SPATA12: variants seen among roughly 807,000 people sequenced by gnomAD.
The protein encoded by SPATA12 is spermatogenesis-associated protein 12.
For missense variants in SPATA12, 219 were observed against 226.4 expected (o/e 0.97, Z 0.21); for synonymous variants, 85 against 89.2 (o/e 0.95, Z 0.26).
chr3:57,069,727 G>A (rs1053839372), intron 1 of SPATA12, among the ~76,000 whole-genome samples: 7 of 152,108 alleles, frequency 4.6e-5, no homozygotes, highest in African/African-American at 7.2e-5. Context: ...TCATTGCAGC[G>A]TCAAACAACG....
Position 57,067,859 on chromosome 3 carries a change from G to A in SPATA12, c.-329-5507G>A, listed in dbSNP as rs552670828. ...AAAAAAATTAGCCAGGCAAAGTGGC[G>A]GGCTCCTGTGGTCCCAGCTACTCAG... On this transcript the variant is annotated intron_variant, in intron 1 of 1. Transcript: ENST00000334325. Among the ~76,000 whole-genome samples, 21 of 151,608 alleles carry A rather than the reference G, an allele frequency of 1.4e-4. No individual in the cohort carries two copies. In the South Asian group the frequency reaches 4.0e-3, roughly 29 times the overall value.
chr3:57,066,052 A>C (rs1705511272), intron 1 of SPATA12, among the ~76,000 whole-genome samples: 5 of 92,368 alleles, frequency 5.4e-5, no homozygotes, highest in Non-Finnish European at 9.0e-5. Context: ...AAAAAAAAAA[A>C]CCCTAAAATG....
chr3:57,073,556 G>T lies in SPATA12; in HGVS notation c.-139G>T. On this transcript the variant is annotated 5_prime_UTR_variant, in exon 2 of 2. Transcript: ENST00000334325. ...GTTTGAGCACCCCGGGATGATTGGT[G>T]GTGGGGTGTGGCTGAAGGTGAATTG... 1 of 1,372,830 alleles carries T rather than the reference G, an allele frequency of 7.3e-7. No homozygotes were observed. Among genetic ancestry groups the T allele is most frequent in the East Asian group, 2.5e-5 (1 of 39,842 alleles). 85.0% of individuals were successfully genotyped at this position (1,372,830 alleles called of 1,614,324 possible). A position where few individuals can be genotyped will look rare whatever the true frequency, so the allele number is the denominator to read the frequency against.
chr3:57,074,218 G>A lies in SPATA12; in HGVS notation c.524G>A (p.Arg175Lys), dbSNP rs750259957. Reference protein sequence around the residue: ...QLTFTEGCFVRSLSTVYSNTH... With the variant: ...QLTFTEGCFVKSLSTVYSNTH... ...ACATTTACTGAGGGCTGCTTTGTCA[G>A]GTCCCTCTCTACAGTATACTCCAAC... The change falls in exon 2 of 2, where the codon AGG (arginine) becomes AAG (lysine). Residue 175 changes from arginine to lysine, a missense_variant. Physicochemically the swap from Arg to Lys is conservative, Grantham distance 26. Coordinates refer to ENST00000334325, the MANE Select transcript of SPATA12 (RefSeq NM_181727.2). 6.2e-7 allele frequency: 1 copy of A among 1,613,988 alleles called. No homozygotes were observed. The highest frequency in any genetic ancestry group is 1.7e-5 in the Admixed American group (1 of 59,990).
At chr3:57,062,697 C>T (rs1689926735) in intron 1 of SPATA12, among the ~76,000 whole-genome samples, 2 of 151,958 alleles carry the variant, frequency 1.3e-5, no homozygotes, top group African/African-American at 4.8e-5. Context: ...TCTGTCTACA[C>T]ACATGCACAC....
chr3:57,068,070 G>C (rs1367416883), intron 1 of SPATA12, among the ~76,000 whole-genome samples: 1 of 152,082 alleles, frequency 6.6e-6, no homozygotes, highest in African/African-American at 2.4e-5. Context: ...TTACTCTGGA[G>C]GCCAAGGCAA....
At position 57,075,360 on chromosome 3, in the gene SPATA12, A is replaced by G. The variant is rs780915975; in HGVS notation, c.*1093A>G. The stretch of plus-strand genomic sequence containing the variant: ...CAGTTTCTTTGACTGCTGTGTGGTC[A>G]GTACCAGGGCAATGCCTCGCACAGA... On this transcript the variant is annotated 3_prime_UTR_variant, in exon 2 of 2. Coordinates refer to ENST00000334325, the MANE Select transcript of SPATA12 (RefSeq NM_181727.2). 6.0e-6 allele frequency: 1 copy of G among 167,286 alleles called. No homozygotes were observed. The allele number at this position is 167,286 out of a possible 1,614,324, so 10.4% of individuals were successfully genotyped here.
At chr3:57,065,705 C>G (rs113610073) in intron 1 of SPATA12, among the ~76,000 whole-genome samples, 1 of 152,166 alleles carries the variant, frequency 6.6e-6, no homozygotes, top group Non-Finnish European at 1.5e-5. Context: ...CAGGCAGCCC[C>G]AGATACCTAC....
intron 1 of SPATA12, among the ~76,000 whole-genome samples, chr3:57,071,840 C>T (rs1705924032): frequency 1.3e-5 from 2 of 152,052 alleles, no homozygotes. Flanking sequence ...AAATAACCCA[C>T]AGAATGGGCA....
chr3:57,063,376 G>T (rs1162596345), intron 1 of SPATA12, among the ~76,000 whole-genome samples: 2 of 152,168 alleles, frequency 1.3e-5, no homozygotes, highest in African/African-American at 4.8e-5. Context: ...CCTTCAGAAG[G>T]TTCCCTCTGA....
intron 1 of SPATA12, among the ~76,000 whole-genome samples, chr3:57,072,382 C>A (rs1705957435): frequency 6.6e-6 from 1 of 151,856 alleles, no homozygotes; most frequent in Non-Finnish European, 1.5e-5. Context: ...AGAAAACACT[C>A]TTGGACATAA....
At chr3:57,066,564 T>G (rs1043839779) in intron 1 of SPATA12, among the ~76,000 whole-genome samples, 8 of 152,140 alleles carry the variant, frequency 5.3e-5, no homozygotes, top group Non-Finnish European at 7.4e-5. Context: ...CGCCCAGGCT[T>G]TTGCCTTTTT....
In SPATA12 at chr3:57,073,752, G is replaced by A. The variant is rs779561078; in HGVS notation, c.58G>A (p.Glu20Lys). 2.5e-6 allele frequency: 4 copies of A among 1,614,210 alleles called. No homozygotes were observed. Among genetic ancestry groups the A allele is most frequent in the Admixed American group, 3.3e-5 (2 of 60,030 alleles). ...CTTAGAAAAGTCAGGAGACACCTGGGAAATGAAGGCACTAGACTCTTCCAG... is the reference window on the plus strand; with the variant it reads ...CTTAGAAAAGTCAGGAGACACCTGGAAAATGAAGGCACTAGACTCTTCCAG... ...STLEKSGDTW[E>K]MKALDSSRLV... is the part of the protein sequence containing the mutation. The change falls in exon 2 of 2, where the codon GAA becomes AAA. Residue 20 changes from glutamate (E) to lysine (K), a missense_variant. Physicochemically the swap from Glu to Lys is moderately conservative, Grantham distance 56 (BLOSUM62 1). Coordinates refer to ENST00000334325, the MANE Select transcript of SPATA12 (RefSeq NM_181727.2).
chr3:57,073,488 G>C lies in SPATA12; in HGVS notation c.-207G>C, dbSNP rs1399704634. 1 of 712,524 alleles carries C rather than the reference G, an allele frequency of 1.4e-6. No homozygotes were observed. The highest frequency in any genetic ancestry group is 3.5e-5 in the Admixed American group (1 of 28,620). The allele number at this position is 712,524 out of a possible 1,614,324, so 44.1% of individuals were successfully genotyped here. On this transcript the variant is annotated 5_prime_UTR_variant, in exon 2 of 2. Transcript: ENST00000334325. ...CAGCAGAAGCAAAGATGTGAACATG[G>C]GAAAACCTCTGCAGTATCTGGGTGA...
chr3:57,073,966 C>A lies in SPATA12; in HGVS notation c.272C>A (p.Ser91Tyr). Residue 91 changes from serine to tyrosine, a missense_variant, in exon 2 of 2, where the codon TCT becomes TAT. Transcript: ENST00000334325. ...CAGAGATATTTACAAGCAGCCATCT[C>A]TCTTGACATCGCTGTATCCCAAATA... Reference protein sequence around the residue: ...TCQRYLQAAISLDIAVSQINL... With the variant: ...TCQRYLQAAIYLDIAVSQINL... 6.2e-7 allele frequency: 1 copy of A among 1,614,240 alleles called. No individual in the cohort carries two copies. The highest frequency in any genetic ancestry group is 8.5e-7 in the Non-Finnish European group (1 of 1,180,054).
At chr3:57,072,410 A>T (rs1705958624) in intron 1 of SPATA12, among the ~76,000 whole-genome samples, 1 of 151,612 alleles carries the variant, frequency 6.6e-6, no homozygotes, top group South Asian at 2.1e-4. Flanking sequence ...GGAAAACATT[A>T]GTTGTTAGCA....
At chr3:57,062,776 A>G (rs986347376) in intron 1 of SPATA12, among the ~76,000 whole-genome samples, 18 of 152,152 alleles carry the variant, frequency 1.2e-4, no homozygotes, top group Admixed American at 1.2e-3. Flanking sequence ...GGTAAGAAAA[A>G]TATAGGCAAG....
At chr3:57,071,193 T>C (rs368225625) in intron 1 of SPATA12, among the ~76,000 whole-genome samples, 96 of 152,114 alleles carry the variant, frequency 6.3e-4, no homozygotes, top group African/African-American at 2.3e-3. Context: ...GACAAGAGTG[T>C]CAAAACAATT....
chr3:57,073,834 C>G lies in SPATA12; in HGVS notation c.140C>G (p.Pro47Arg). 6.2e-7 allele frequency: 1 copy of G among 1,614,224 alleles called. No individual in the cohort carries two copies. The highest frequency in any genetic ancestry group is 8.5e-7 in the Non-Finnish European group (1 of 1,180,044). Reference protein sequence around the residue: ...LGSSTQHPNKPHCALASCQGP... With the variant: ...LGSSTQHPNKRHCALASCQGP... ...TCATCCACCCAACATCCCAACAAAC[C>G]CCACTGTGCACTGGCATCATGCCAG... is the stretch of plus-strand genomic sequence containing the variant. The change falls in exon 2 of 2, where the codon CCC (proline) becomes CGC (arginine). Residue 47 changes from proline (P) to arginine (R), a missense_variant. Transcript: ENST00000334325.
Sources: allele counts gnomAD v4.1 joint callset (sites outside exome capture counted in the v4.1 genomes callset), GRCh38; gene constraint gnomAD v4.1.1; transcripts MANE v1.5; gene names NCBI Gene and HGNC (gene_info 2026-07-23, HGNC 2026-07-21).